The following MCC variants were observed in gnomAD, a reference collection of about 807,000 sequenced individuals.
The protein encoded by MCC is MCC regulator of Wnt signaling pathway.
In MCC, 90 loss-of-function variants were observed where a neutral mutation model predicts 116.2. That is an observed-to-expected ratio of 0.77 (90% CI 0.65 to 0.92). MCC has a LOEUF of 0.92. Among genes scored for constraint, MCC ranks in the 40% least tolerant of loss-of-function variants. The pLI, the probability that MCC is intolerant of heterozygous loss-of-function variation, is 0.00. For synonymous variants in MCC, 578 were observed against 510.5 expected, an observed-to-expected ratio of 1.13 and a Z score of -1.78; for missense variants, 1,516 against 1,312.2, an observed-to-expected ratio of 1.16 and a Z score of -2.40.
At chr5:113,483,633 A>C (rs1161961792) in intron 1 of MCC, among the ~76,000 whole-genome samples, 3 of 152,204 alleles carry the variant, frequency 2.0e-5, no homozygotes, top group Non-Finnish European at 4.4e-5. Context: ...TAAAATATAC[A>C]CATATCCTCA....
chr5:113,116,509 G>C (rs776457230), intron 6 of MCC, among the ~76,000 whole-genome samples: 20 of 152,154 alleles, frequency 1.3e-4, no homozygotes, highest in Non-Finnish European at 8.8e-5. Context: ...AATAAAGACT[G>C]TTTATGCTAT....
intron 6 of MCC, among the ~76,000 whole-genome samples, chr5:113,114,422 T>C (rs901430206): frequency 6.6e-6 from 1 of 152,304 alleles, no homozygotes; most frequent in East Asian, 1.9e-4. Flanking sequence ...CAGGCACAAG[T>C]TGACAGGGAC....
At chr5:113,067,128 C>T (rs889211484) in intron 13 of MCC, among the ~76,000 whole-genome samples, 1 of 152,202 alleles carries the variant, frequency 6.6e-6, no homozygotes, top group Non-Finnish European at 1.5e-5. Context: ...CAATTAGATA[C>T]TCCTTCCACC....
intron 12 of MCC, among the ~76,000 whole-genome samples, chr5:113,070,281 T>C (rs1169548254): frequency 6.6e-6 from 1 of 152,156 alleles, no homozygotes; most frequent in Non-Finnish European, 1.5e-5. Flanking sequence ...CCTTGGCAAA[T>C]ACACTTAAGT....
chr5:113,323,542 G>A (rs987983962), intron 3 of MCC, among the ~76,000 whole-genome samples: 26 of 152,178 alleles, frequency 1.7e-4, no homozygotes, highest in East Asian at 7.7e-4. Flanking sequence ...GGGAAGATCC[G>A]GAGTTGTATA....
At chr5:113,120,264 C>A (rs925177986) in intron 6 of MCC, among the ~76,000 whole-genome samples, 5 of 152,134 alleles carry the variant, frequency 3.3e-5, no homozygotes, top group African/African-American at 1.2e-4. Context: ...CTGGTATGAA[C>A]TTGGCATATG....
chr5:113,424,823 A>G (rs1268557327), intron 1 of MCC, among the ~76,000 whole-genome samples: 1 of 152,142 alleles, frequency 6.6e-6, no homozygotes, highest in Non-Finnish European at 1.5e-5. Flanking sequence ...TACAAATTGA[A>G]AAGTAAAATT....
intron 8 of MCC, among the ~76,000 whole-genome samples, chr5:113,094,370 G>C (rs1435013278): frequency 6.7e-6 from 1 of 150,354 alleles, no homozygotes; most frequent in Non-Finnish European, 1.5e-5. Context: ...AAAGTACCTG[G>C]ATGTGTTATA....
chr5:113,348,965 T>G (rs2150381354), intron 2 of MCC, among the ~76,000 whole-genome samples: 1 of 152,028 alleles, frequency 6.6e-6, no homozygotes, highest in Non-Finnish European at 1.5e-5. Flanking sequence ...AGGAAATGGA[T>G]AAATTCCTAG....
intron 6 of MCC, among the ~76,000 whole-genome samples, chr5:113,121,244 A>G (rs1158091646): frequency 6.6e-6 from 1 of 152,186 alleles, no homozygotes; most frequent in Non-Finnish European, 1.5e-5. Flanking sequence ...TTCTTTCTCC[A>G]CACTACAGTG....
chr5:113,083,775 G>T (rs1325089697), intron 10 of MCC, among the ~76,000 whole-genome samples: 1 of 152,034 alleles, frequency 6.6e-6, no homozygotes, highest in South Asian at 2.1e-4. Context: ...TAGAGCTCTT[G>T]GTCTCTGGGG....
chr5:113,434,992 A>C lies in MCC; in HGVS notation c.171-49780T>G. 1 of 894,178 alleles carries C rather than the reference A, an allele frequency of 1.1e-6. No individual in the cohort carries two copies. The highest frequency in any genetic ancestry group is 1.7e-6 in the Non-Finnish European group (1 of 597,366). The allele number at this position is 894,178 out of a possible 1,614,324, so 55.4% of individuals were successfully genotyped here. On this transcript the variant is annotated intron_variant, in intron 1 of 18. Transcript: ENST00000408903. This position sits in a 1 kb window ranked among gnomAD's most constrained non-coding sequence, Gnocchi z 4.2. Reference sequence around the variant, plus strand: ...CCTAGAGGCCAAGACTCTGGAGTGGAACATTTGGCACTGTCTCCCAGATGA... The same window carrying C: ...CCTAGAGGCCAAGACTCTGGAGTGGCACATTTGGCACTGTCTCCCAGATGA...
intron 2 of MCC, among the ~76,000 whole-genome samples, chr5:113,369,108 C>G (rs978713703): frequency 4.6e-5 from 7 of 152,012 alleles, no homozygotes; most frequent in Non-Finnish European, 1.0e-4. Context: ...CTCTCTGAAT[C>G]CAGTCCTTTT....
At chr5:113,251,279 C>T (rs1764789794) in intron 3 of MCC, among the ~76,000 whole-genome samples, 1 of 152,198 alleles carries the variant, frequency 6.6e-6, no homozygotes, top group South Asian at 2.1e-4. Flanking sequence ...TTAGCACTGT[C>T]TGCGTTTTTT....
chr5:113,201,984 G>A (rs1186490604), intron 3 of MCC, among the ~76,000 whole-genome samples: 3 of 151,932 alleles, frequency 2.0e-5, no homozygotes, highest in Non-Finnish European at 4.4e-5. Flanking sequence ...CATTTTCATC[G>A]CTCCTCTTTC....
At chr5:113,232,383 G>T (rs1763968156) in intron 3 of MCC, among the ~76,000 whole-genome samples, 1 of 152,164 alleles carries the variant, frequency 6.6e-6, no homozygotes, top group Non-Finnish European at 1.5e-5. Flanking sequence ...CAATCTTCCA[G>T]AATTGGATGC....
intron 3 of MCC, among the ~76,000 whole-genome samples, chr5:113,309,831 CTTCT>C (rs1271690596): frequency 2.6e-5 from 4 of 151,432 alleles, no homozygotes; most frequent in Non-Finnish European, 4.4e-5. Flanking sequence ...TTCCTTTCAC[CTTCT>C]TTCTTTCATT....
chr5:113,124,169 A>C (rs1757900064), intron 5 of MCC, among the ~76,000 whole-genome samples: 1 of 152,234 alleles, frequency 6.6e-6, no homozygotes. Context: ...GAAAATATGA[A>C]TTAGAGAGTG....
intron 12 of MCC, among the ~76,000 whole-genome samples, chr5:113,070,893 T>C (rs1251335933): frequency 2.0e-5 from 3 of 152,350 alleles, no homozygotes; most frequent in South Asian, 2.1e-4. Flanking sequence ...ATATTTAAGA[T>C]GAATATGCTA....
Sources: gnomAD v4.1 joint callset for allele counts (sites outside exome capture counted in the v4.1 genomes callset) on GRCh38, gnomAD v4.1.1 for gene constraint, Gnocchi (gnomAD v3.1) non-coding constraint, MANE v1.5 for transcripts, NCBI Gene and HGNC (gene_info 2026-07-23, HGNC 2026-07-21) for gene names.